SIK2: variants seen among roughly 807,000 people sequenced by gnomAD.
SIK2 encodes serine/threonine-protein kinase SIK2.
A neutral mutation model predicts 103.2 loss-of-function variants in SIK2; 29 were observed. That is an observed-to-expected ratio of 0.28 (90% confidence interval 0.21 to 0.38). The LOEUF is 0.38. Among genes scored for constraint, SIK2 ranks in the 10% least tolerant of loss-of-function variants. The pLI is 1.00. For synonymous variants in SIK2, 412 were observed against 446.1 expected (o/e 0.92, Z 0.96); for missense variants, 879 against 1,171.0 (o/e 0.75, Z 3.64).
At chr11:111,665,321 G>T (rs1362071387) in intron 3 of SIK2, among the ~76,000 whole-genome samples, 1 of 151,812 alleles carries the variant, frequency 6.6e-6, no homozygotes, top group Non-Finnish European at 1.5e-5. Context: ...GGGTGTGGTG[G>T]TGTGTGCCTG....
rs1942881214 is a variant in SIK2, at chr11:111,688,670, TTA to T, written c.478+509_478+510del. ...ACATGAAAATTAAGTTGGGTAGAGA[TTA>T]GTTTGCCTGTTTTTCTCCTTGCCTT... On this transcript the variant is annotated intron_variant, in intron 4 of 14. Coordinates refer to ENST00000304987, the MANE Select transcript of SIK2 (RefSeq NM_015191.3). The surrounding 1 kb of genome is among the most constrained non-coding windows in gnomAD (Gnocchi z 4.2). Among the ~76,000 whole-genome samples the T allele has an allele frequency of 1.3e-5, 2 of 152,226 alleles. No homozygotes were observed. Among genetic ancestry groups the T allele is most frequent in the Non-Finnish European group, 2.9e-5 (2 of 68,030 alleles).
intron 4 of SIK2, among the ~76,000 whole-genome samples, chr11:111,690,385 A>G (rs1942917162): frequency 6.6e-6 from 1 of 151,566 alleles, no homozygotes; most frequent in Non-Finnish European, 1.5e-5. Context: ...ACAATAGCAC[A>G]AAGGAGTTCT....
intron 3 of SIK2, among the ~76,000 whole-genome samples, chr11:111,678,785 A>G (rs1428725901): frequency 6.6e-6 from 1 of 152,182 alleles, no homozygotes; most frequent in Non-Finnish European, 1.5e-5. Flanking sequence ...AGGAAAAAAA[A>G]ATTGCTATGT....
At chr11:111,674,524 C>A (rs533107457) in intron 3 of SIK2, among the ~76,000 whole-genome samples, 23 of 152,144 alleles carry the variant, frequency 1.5e-4, no homozygotes, top group Non-Finnish European at 2.4e-4. Flanking sequence ...AGTTCCCAAC[C>A]AAATGTTTTT....
At chr11:111,666,636 T>G (rs1942546214) in intron 3 of SIK2, among the ~76,000 whole-genome samples, 1 of 152,208 alleles carries the variant, frequency 6.6e-6, no homozygotes, top group Admixed American at 6.5e-5. Context: ...TTACAATCTC[T>G]TTTTCTTCAG....
chr11:111,608,840 A>G (rs1941681329), intron 1 of SIK2, among the ~76,000 whole-genome samples: 1 of 152,194 alleles, frequency 6.6e-6, no homozygotes, highest in Non-Finnish European at 1.5e-5. Context: ...GTCAAGGAGT[A>G]TGTACATTAC....
chr11:111,606,937 G>A (rs903763055), intron 1 of SIK2, among the ~76,000 whole-genome samples: 4 of 143,408 alleles, frequency 2.8e-5, no homozygotes, highest in African/African-American at 5.1e-5. Context: ...AATATAGCAA[G>A]ACCCAGTCTC....
intron 3 of SIK2, chr11:111,671,997 C>T (rs962924204): frequency 9.6e-6 from 5 of 519,952 alleles, no homozygotes; most frequent in African/African-American, 3.9e-5. Flanking sequence ...CAGCCATCTT[C>T]TGCTGCTGCA....
In SIK2 at chr11:111,633,907, T is replaced by A. The variant is rs1020165448; in HGVS notation, c.316+13505T>A. ...GTACAATAAGGCCTTAACTACATTT[T>A]TTCCTCTGGAATCACAGGTGTGATT... On this transcript the variant is annotated intron_variant, in intron 3 of 14. Coordinates refer to ENST00000304987, the MANE Select transcript of SIK2 (RefSeq NM_015191.3). Among the ~76,000 whole-genome samples, 3 of 152,194 alleles carry A rather than the reference T, an allele frequency of 2.0e-5. No individual in the cohort carries two copies. The East Asian group carries it at 5.8e-4, about 29-fold the overall frequency.
At chr11:111,660,292 G>A (rs896326745) in intron 3 of SIK2, among the ~76,000 whole-genome samples, 1 of 152,140 alleles carries the variant, frequency 6.6e-6, no homozygotes, top group Admixed American at 6.5e-5. Context: ...GAAGGGAATG[G>A]CAGTCTACTG....
chr11:111,666,713 C>T (rs1046151156), intron 3 of SIK2, among the ~76,000 whole-genome samples: 2 of 152,104 alleles, frequency 1.3e-5, no homozygotes, highest in African/African-American at 4.8e-5. Flanking sequence ...AAAATTTCAT[C>T]ATACTGTTTT....
In SIK2 at chr11:111,705,733, A is replaced by G. The variant is rs1006647036; in HGVS notation, c.1101+594A>G. On this transcript the variant is annotated intron_variant, in intron 8 of 14. Coordinates refer to ENST00000304987, the MANE Select transcript of SIK2 (RefSeq NM_015191.3). This position sits in a 1 kb window ranked among gnomAD's most constrained non-coding sequence, Gnocchi z 4.3. Reference sequence around the variant, plus strand: ...AGGTAAAGAGTTTACTTACAATTCAAGAAGCAACAAGGACCTACTGAAGGC... The same window carrying G: ...AGGTAAAGAGTTTACTTACAATTCAGGAAGCAACAAGGACCTACTGAAGGC... Among the ~76,000 whole-genome samples, 3 of 152,218 alleles carry G rather than the reference A, an allele frequency of 2.0e-5. No homozygotes were observed. The highest frequency in any genetic ancestry group is 7.2e-5 in the African/African-American group (3 of 41,460).
intron 3 of SIK2, among the ~76,000 whole-genome samples, chr11:111,677,342 A>G (rs964325463): frequency 1.7e-4 from 26 of 152,196 alleles, no homozygotes; most frequent in African/African-American, 6.0e-4. Flanking sequence ...ACAGTATCTC[A>G]TCTTGTCTGT....
At chr11:111,692,350 CAAAAAAAAAAAAAAAAAAAAAAAAAA>C (rs763369049) in intron 4 of SIK2, among the ~76,000 whole-genome samples, 3 of 26,482 alleles carry the variant, frequency 1.1e-4, no homozygotes, top group African/African-American at 2.3e-4. Flanking sequence ...GACTCAGTCT[CAAAAAAAAAAAAAAAAAAAAAAAAAA>C]AAAAAAAAAA....
chr11:111,621,172 A>G (rs1001913067), intron 3 of SIK2, among the ~76,000 whole-genome samples: 3 of 152,252 alleles, frequency 2.0e-5, no homozygotes, highest in Non-Finnish European at 1.5e-5. Flanking sequence ...CAGTCACCAC[A>G]GTCAAAATAT....
At chr11:111,621,868 G>A (rs140384962) in intron 3 of SIK2, among the ~76,000 whole-genome samples, 100 of 151,662 alleles carry the variant, frequency 6.6e-4, no homozygotes, top group African/African-American at 2.2e-3. Flanking sequence ...AGCCACGACC[G>A]CACCACTGTA....
At chr11:111,674,749 A>AT (rs1205063442) in intron 3 of SIK2, among the ~76,000 whole-genome samples, 3,176 of 145,436 alleles carry the variant, frequency 0.022, 32 homozygotes, top group African/African-American at 0.03. Context: ...TACTGTGATA[A>AT]TTTTTTTTTT....
At chr11:111,695,068 C>T (rs1943038109) in intron 4 of SIK2, among the ~76,000 whole-genome samples, 1 of 152,172 alleles carries the variant, frequency 6.6e-6, no homozygotes, top group African/African-American at 2.4e-5. Flanking sequence ...GGCCGATCCA[C>T]ATTCAGTTTG....
At chr11:111,610,042 T>G (rs182666030) in intron 1 of SIK2, among the ~76,000 whole-genome samples, 9 of 152,350 alleles carry the variant, frequency 5.9e-5, no homozygotes, top group Admixed American at 5.2e-4. Flanking sequence ...GAATAGCTCT[T>G]ATTTGTAACT....
Sources: allele counts gnomAD v4.1 joint callset (sites outside exome capture counted in the v4.1 genomes callset), GRCh38; gene constraint gnomAD v4.1.1; non-coding constraint Gnocchi (gnomAD v3.1); transcripts MANE v1.5; gene names NCBI Gene and HGNC (gene_info 2026-07-23, HGNC 2026-07-21).